The following RGS12 variants were observed in gnomAD, a reference collection of about 807,000 sequenced individuals.
RGS12 encodes regulator of G protein signaling 12, also known as regulator of G-protein signaling 12.
Under a neutral mutation model 120.1 loss-of-function variants are expected in RGS12, and 66 were observed. That is an observed-to-expected ratio of 0.55 (90% CI 0.45 to 0.67). The LOEUF is 0.67. Ranked by LOEUF, RGS12 falls within the 30% of genes least tolerant of loss-of-function variation. RGS12 has a pLI of 0.00. For synonymous variants in RGS12, 827 were observed against 804.7 expected (o/e 1.03, Z -0.47); for missense variants, 1,859 against 1,957.7 (o/e 0.95, Z 0.95).
Position 3,374,107 on chromosome 4 carries a change from C to T in RGS12, c.1999-12309C>T, listed in dbSNP as rs966971834. ...GCACCTTCTCCTACCATGTCCCACG[C>T]GGCTCTGTGAACGCAGGCATCCCTG... On this transcript the variant is annotated intron_variant, in intron 3 of 17. Transcript: ENST00000336727. This position sits in a 1 kb window ranked among gnomAD's most constrained non-coding sequence, Gnocchi z 6.3. 5.3e-5 allele frequency among the ~76,000 whole-genome samples: 8 copies of T among 152,232 alleles called. No individual in the cohort carries two copies. The highest frequency in any genetic ancestry group is 2.1e-4 in the South Asian group (1 of 4,830).
At chr4:3,425,093 TTGTC>T (rs1723467572) in intron 13 of RGS12, among the ~76,000 whole-genome samples, 1 of 152,198 alleles carries the variant, frequency 6.6e-6, no homozygotes, top group African/African-American at 2.4e-5. Context: ...GGTCCTAAAG[TTGTC>T]TGTCTTTGCT....
intron 2 of RGS12, among the ~76,000 whole-genome samples, chr4:3,331,070 G>A (rs1458163431): frequency 2.0e-5 from 3 of 152,178 alleles, no homozygotes; most frequent in African/African-American, 7.2e-5. Context: ...CAGGAATGGC[G>A]AGCAGCCTGT....
intron 4 of RGS12, among the ~76,000 whole-genome samples, chr4:3,397,146 C>T (rs1034347771): frequency 5.3e-5 from 8 of 152,228 alleles, no homozygotes; most frequent in Admixed American, 1.3e-4. Context: ...GACTCTTGCT[C>T]GAAAGAAGGT....
rs75611501 is a variant in RGS12 at position 3,427,853 on chromosome 4, T to G, written c.3332-237T>G. On this transcript the variant is annotated intron_variant, in intron 14 of 17. Transcript: ENST00000336727. Reference sequence around the variant, plus strand: ...TGAAATGAGCTTTTCAATTTCAACATCACTCCTCCAGCAAGTCCCTAGTTA... The same window carrying G: ...TGAAATGAGCTTTTCAATTTCAACAGCACTCCTCCAGCAAGTCCCTAGTTA... Among the ~76,000 whole-genome samples, 4 of 152,228 alleles carry G rather than the reference T, an allele frequency of 2.6e-5. No individual in the cohort carries two copies. In the East Asian group the frequency reaches 7.7e-4, roughly 29 times the overall value.
chr4:3,351,713 G>A (rs962341395), intron 3 of RGS12, among the ~76,000 whole-genome samples: 1 of 152,166 alleles, frequency 6.6e-6, no homozygotes, highest in East Asian at 1.9e-4. Flanking sequence ...TGGCTGTCCA[G>A]TGCTGCGTTT....
chr4:3,439,749 TG>T lies in RGS12; in HGVS notation c.*68del. The T allele has an allele frequency of 7.1e-7, 1 of 1,412,838 alleles. No homozygotes were observed. The allele number at this position is 1,412,838 out of a possible 1,614,324, so 87.5% of individuals were successfully genotyped here. A position where few individuals can be genotyped will look rare whatever the true frequency, so the allele number is the denominator to read the frequency against. On this transcript the variant is annotated 3_prime_UTR_variant, in exon 18 of 18. Transcript: ENST00000336727. Reference sequence around the variant, plus strand: ...GGTGGGGCAGCCCAGGTGGATTCTGTGGGCCTCAGGGGGGCCACCCTGGCCA... The same window carrying T: ...GGTGGGGCAGCCCAGGTGGATTCTGTGGCCTCAGGGGGGCCACCCTGGCCA...
At chr4:3,331,395 C>T (rs1711823711) in intron 2 of RGS12, among the ~76,000 whole-genome samples, 1 of 151,172 alleles carries the variant, frequency 6.6e-6, no homozygotes, top group Admixed American at 6.6e-5. Context: ...AACATATTTA[C>T]TAAAAAAAAA....
chr4:3,402,959 A>G (rs1008752795), intron 4 of RGS12, among the ~76,000 whole-genome samples: 12 of 152,304 alleles, frequency 7.9e-5, no homozygotes, highest in African/African-American at 2.6e-4. Flanking sequence ...GACCTCACCA[A>G]CTACTTATGG....
At chr4:3,308,751 G>A (rs971955409) in intron 1 of RGS12, among the ~76,000 whole-genome samples, 3 of 152,228 alleles carry the variant, frequency 2.0e-5, no homozygotes, top group Non-Finnish European at 4.4e-5. Flanking sequence ...CTTTGCATTC[G>A]AAGATTCTTG....
At chr4:3,412,057 C>T (rs556106793) in intron 4 of RGS12, among the ~76,000 whole-genome samples, 10 of 152,380 alleles carry the variant, frequency 6.6e-5, no homozygotes, top group South Asian at 4.1e-4. Context: ...ACATTACCAC[C>T]GTGTTTCTGA....
At chr4:3,415,936 A>G in intron 6 of RGS12, 42 bp from the exon 7 acceptor site, 1 of 1,570,530 alleles carries the variant, frequency 6.4e-7, no homozygotes, top group Non-Finnish European at 8.6e-7. Flanking sequence ...GAGTGCGGGG[A>G]GAGGAAGCCT....
intron 3 of RGS12, among the ~76,000 whole-genome samples, chr4:3,377,229 AC>A (rs1717800291): frequency 6.6e-6 from 1 of 151,850 alleles, no homozygotes; most frequent in Admixed American, 6.6e-5. Flanking sequence ...ACACCACCAC[AC>A]CCAGCTAATT....
At chr4:3,342,695 G>A (rs1195885298) in intron 2 of RGS12, 4 of 820,444 alleles carry the variant, frequency 4.9e-6, no homozygotes, top group Non-Finnish European at 7.1e-6. Context: ...GGCTTTGTCA[G>A]AGGCACACAG....
At chr4:3,362,270 G>C (rs1406017653) in intron 3 of RGS12, among the ~76,000 whole-genome samples, 2 of 152,198 alleles carry the variant, frequency 1.3e-5, no homozygotes, top group African/African-American at 4.8e-5. Context: ...CCTCCTGCGA[G>C]TGCCAGGTTG....
At chr4:3,299,207 G>A (rs1292673791) in intron 1 of RGS12, among the ~76,000 whole-genome samples, 1 of 152,076 alleles carries the variant, frequency 6.6e-6, no homozygotes, top group African/African-American at 2.4e-5. Context: ...GTCTCTCTGT[G>A]CATGGATGGC....
chr4:3,406,684 T>C (rs976049123), intron 4 of RGS12, among the ~76,000 whole-genome samples: 3 of 152,202 alleles, frequency 2.0e-5, no homozygotes, highest in Non-Finnish European at 4.4e-5. Flanking sequence ...TGTTAGCGGA[T>C]GTTTCCTAAC....
intron 3 of RGS12, among the ~76,000 whole-genome samples, chr4:3,345,682 C>T (rs746209692): frequency 6.6e-5 from 10 of 152,310 alleles, no homozygotes; most frequent in East Asian, 1.9e-4. Context: ...CATCTCAACG[C>T]GCTGGGCCAG....
intron 4 of RGS12, among the ~76,000 whole-genome samples, chr4:3,395,710 A>G (rs1462821818): frequency 6.6e-6 from 1 of 152,166 alleles, no homozygotes; most frequent in Non-Finnish European, 1.5e-5. Flanking sequence ...GGCCCTTTGA[A>G]TATCTTATTT....
At chr4:3,341,867 G>A (rs993846439) in intron 2 of RGS12, among the ~76,000 whole-genome samples, 9 of 148,208 alleles carry the variant, frequency 6.1e-5, no homozygotes, top group Admixed American at 2.0e-4. Context: ...CAGAGGCCCC[G>A]GGGTGTGGGG....
Sources: allele counts gnomAD v4.1 joint callset (sites outside exome capture counted in the v4.1 genomes callset), GRCh38; gene constraint gnomAD v4.1.1; non-coding constraint Gnocchi (gnomAD v3.1); transcripts MANE v1.5; gene names NCBI Gene and HGNC (gene_info 2026-07-23, HGNC 2026-07-21).